The following KIF26B variants were observed in gnomAD, a reference collection of about 807,000 sequenced individuals.
KIF26B encodes kinesin-like protein KIF26B.
Under a neutral mutation model 151.2 loss-of-function variants are expected in KIF26B, and 63 were observed. The ratio of observed to expected loss-of-function variants is 0.42; its 90% CI spans 0.34 to 0.51. KIF26B has a LOEUF of 0.51. Among genes scored for constraint, KIF26B ranks in the 20% least tolerant of loss-of-function variants. The pLI is 0.07. For synonymous variants in KIF26B, 1,357 were observed against 1,262.1 expected, an observed-to-expected ratio of 1.08 and a Z score of -1.59; for missense variants, 2,813 against 2,913.6, an observed-to-expected ratio of 0.97 and a Z score of 0.79.
intron 2 of KIF26B, among the ~76,000 whole-genome samples, chr1:245,309,997 A>G (rs1006267022): frequency 6.8e-6 from 1 of 147,778 alleles, no homozygotes; most frequent in Non-Finnish European, 1.5e-5. Context: ...TCTGGCCAAT[A>G]CAAACACTCC....
chr1:245,395,513 C>A (rs1330979035), intron 3 of KIF26B, among the ~76,000 whole-genome samples: 5 of 152,214 alleles, frequency 3.3e-5, no homozygotes, highest in Non-Finnish European at 4.4e-5. Context: ...CTGGACGCAG[C>A]CCTCTAGACC....
chr1:245,303,043 G>T (rs1276733707), intron 2 of KIF26B, among the ~76,000 whole-genome samples: 2 of 148,760 alleles, frequency 1.3e-5, no homozygotes, highest in African/African-American at 5.0e-5. Context: ...CATTTACATG[G>T]TGATTAGAAA....
At chr1:245,347,713 A>C (rs1672482546) in intron 2 of KIF26B, among the ~76,000 whole-genome samples, 2 of 151,976 alleles carry the variant, frequency 1.3e-5, no homozygotes, top group Admixed American at 1.3e-4. Flanking sequence ...TCTTGAACCC[A>C]CTCCATTTAT....
At chr1:245,561,981 A>G (rs2042958980) in intron 5 of KIF26B, among the ~76,000 whole-genome samples, 1 of 151,798 alleles carries the variant, frequency 6.6e-6, no homozygotes, top group African/African-American at 2.4e-5. Flanking sequence ...GCTGAAGGGC[A>G]CTCTTCAGTG....
At chr1:245,630,182 C>T (rs954014827) in intron 9 of KIF26B, among the ~76,000 whole-genome samples, 5 of 152,160 alleles carry the variant, frequency 3.3e-5, no homozygotes, top group Non-Finnish European at 7.3e-5. Context: ...GGTGATTCTT[C>T]AAGGATCTAG....
At chr1:245,652,102 CTGTGTGTG>C (rs56893913) in intron 10 of KIF26B, among the ~76,000 whole-genome samples, 41,209 of 136,330 alleles carry the variant, frequency 0.3, 6,917 homozygotes, top group Non-Finnish European at 0.39. Flanking sequence ...ATGTAAGAAT[CTGTGTGTG>C]TGTGTGTGTG....
In KIF26B at chr1:245,571,104, C is replaced by G. The variant is rs139693512; in HGVS notation, c.1350+30154C>G. On this transcript the variant is annotated intron_variant, in intron 5 of 14. Coordinates refer to ENST00000407071, the MANE Select transcript of KIF26B (RefSeq NM_018012.4). Reference sequence around the variant, plus strand: ...TCATGTCCTCTTCTCCAGTTAGATCCTAAGTCCCTCCATGACAAAGACCTG... The same window carrying G: ...TCATGTCCTCTTCTCCAGTTAGATCGTAAGTCCCTCCATGACAAAGACCTG... 3.4e-3 allele frequency among the ~76,000 whole-genome samples: 524 copies of G among 152,306 alleles called. 4 individuals carry two copies. The highest frequency in any genetic ancestry group is 0.012 in the African/African-American group (500 of 41,572).
chr1:245,582,758 C>G (rs2043188346), intron 5 of KIF26B, among the ~76,000 whole-genome samples: 1 of 152,168 alleles, frequency 6.6e-6, no homozygotes, highest in South Asian at 2.1e-4. Flanking sequence ...CCTAGGGAAG[C>G]CTTTTGCTCC....
chr1:245,490,311 T>C (rs929757625), intron 4 of KIF26B, among the ~76,000 whole-genome samples: 2 of 136,192 alleles, frequency 1.5e-5, no homozygotes, highest in Admixed American at 7.4e-5. Context: ...AGAACATTTT[T>C]TTTTTTTTTT....
chr1:245,290,632 C>T lies in KIF26B; in HGVS notation c.466-76202C>T, dbSNP rs1404716052. On this transcript the variant is annotated intron_variant, in intron 2 of 14. Transcript: ENST00000407071. ...CATCTTGGTTTTGGTAGGATTTGGCCGGCTTCTTTACTGCAACCTGTTTTA... is the reference window on the plus strand; with the variant it reads ...CATCTTGGTTTTGGTAGGATTTGGCTGGCTTCTTTACTGCAACCTGTTTTA... Among the ~76,000 whole-genome samples, 6 of 152,258 alleles carry T rather than the reference C, an allele frequency of 3.9e-5. No homozygotes were observed. In the South Asian group the frequency reaches 6.2e-4, roughly 16 times the overall value.
chr1:245,173,788 C>T (rs367653207), intron 2 of KIF26B, among the ~76,000 whole-genome samples: 3 of 152,322 alleles, frequency 2.0e-5, no homozygotes, highest in South Asian at 4.1e-4. Flanking sequence ...CTTACTTCCA[C>T]GGACCTTCTG....
intron 12 of KIF26B, among the ~76,000 whole-genome samples, chr1:245,696,126 C>T (rs529852352): frequency 5.3e-5 from 8 of 152,360 alleles, no homozygotes; most frequent in Non-Finnish European, 8.8e-5. Flanking sequence ...AGTCCCCTCC[C>T]GTATTTACCA....
At chr1:245,648,077 C>T (rs2043972672) in intron 10 of KIF26B, among the ~76,000 whole-genome samples, 1 of 152,158 alleles carries the variant, frequency 6.6e-6, no homozygotes, top group African/African-American at 2.4e-5. Flanking sequence ...CACTGGTTTC[C>T]ATAAAATGAG....
chr1:245,296,332 T>A (rs927591161), intron 2 of KIF26B, among the ~76,000 whole-genome samples: 1 of 152,078 alleles, frequency 6.6e-6, no homozygotes, highest in South Asian at 2.1e-4. Context: ...TGAAGAACCA[T>A]CTCACTGGCT....
At chr1:245,397,841 T>C (rs949317153) in intron 3 of KIF26B, among the ~76,000 whole-genome samples, 5 of 152,306 alleles carry the variant, frequency 3.3e-5, no homozygotes, top group Admixed American at 6.5e-5. Context: ...AGACTATCCA[T>C]TAATTGATTT....
At chr1:245,400,769 T>G (rs1027444573) in intron 3 of KIF26B, among the ~76,000 whole-genome samples, 2 of 152,202 alleles carry the variant, frequency 1.3e-5, no homozygotes, top group African/African-American at 4.8e-5. Context: ...TTATTAAAGT[T>G]AATTTCACCT....
rs140526360 is a variant in KIF26B, at chr1:245,683,438, C to T, written c.2259-795C>T. On this transcript the variant is annotated intron_variant, in intron 10 of 14. Coordinates refer to ENST00000407071, the MANE Select transcript of KIF26B (RefSeq NM_018012.4). ...AAGCAAGGCAGGAAAAATGCTGGGA[C>T]GAGTACAGGAACAGAAAACCAGCCA... is the stretch of plus-strand genomic sequence containing the variant. Among the ~76,000 whole-genome samples, 1,275 of 152,184 alleles carry T rather than the reference C, an allele frequency of 8.4e-3. 29 individuals are homozygous for T. The highest frequency in any genetic ancestry group is 0.028 in the African/African-American group (1,182 of 41,496).
chr1:245,616,048 C>T (rs2043587093), intron 9 of KIF26B, among the ~76,000 whole-genome samples: 1 of 152,194 alleles, frequency 6.6e-6, no homozygotes, highest in Admixed American at 6.5e-5. Context: ...CTGTGTGCGC[C>T]TCTGAATCTC....
intron 4 of KIF26B, among the ~76,000 whole-genome samples, chr1:245,443,023 G>A (rs1330550525): frequency 1.9e-5 from 1 of 52,960 alleles, no homozygotes; most frequent in African/African-American, 9.1e-5. Flanking sequence ...CACCTAGAGC[G>A]GTCATCTCCC....
Sources: allele counts gnomAD v4.1 joint callset (sites outside exome capture counted in the v4.1 genomes callset), GRCh38; gene constraint gnomAD v4.1.1; transcripts MANE v1.5; gene names NCBI Gene and HGNC (gene_info 2026-07-23, HGNC 2026-07-21).